BST1: variants seen among roughly 807,000 people sequenced by gnomAD.
BST1 encodes the protein ADP-ribosyl cyclase/cyclic ADP-ribose hydrolase 2.
Under a neutral mutation model 40.6 loss-of-function variants are expected in BST1, and 49 were observed. The observed-to-expected ratio is 1.21, with a 90% CI of 0.96 to 1.53. BST1 has a LOEUF of 1.53. Among genes scored for constraint, BST1 ranks in the 40% most tolerant of loss-of-function variants. The pLI is 0.00. For synonymous variants in BST1, 157 were observed against 159.3 expected, an observed-to-expected ratio of 0.99 and a Z score of 0.11; for missense variants, 423 against 395.9, an observed-to-expected ratio of 1.07 and a Z score of -0.58.
intron 8 of BST1, chr4:15,731,521 A>C: frequency 9.4e-7 from 1 of 1,062,616 alleles, no homozygotes; most frequent in Non-Finnish European, 1.4e-6. Flanking sequence ...CTTGAAGCTG[A>C]TCTGCAACTC....
At chr4:15,747,999 G>T in the BST1 span, among the ~76,000 whole-genome samples, 1 of 152,074 alleles carries the variant, frequency 6.6e-6, no homozygotes, top group Non-Finnish European at 1.5e-5. Flanking sequence ...TTTATTTCAG[G>T]CCTTCTTTTC....
At chr4:15,742,389 C>T (rs532684550), downstream of BST1, among the ~76,000 whole-genome samples, 1 of 152,182 alleles carries the variant, frequency 6.6e-6, no homozygotes, top group East Asian at 1.9e-4. Context: ...CTTGGCTTCC[C>T]CTACTGCCAT....
chr4:15,746,555 G>A, the BST1 span, among the ~76,000 whole-genome samples: 1 of 152,172 alleles, frequency 6.6e-6, no homozygotes. Flanking sequence ...CAGGACTCCT[G>A]CAATAACCAA....
chr4:15,738,094 C>G (rs1362260216), exon 7 of BST1: 1 of 232,658 alleles, frequency 4.3e-6, no homozygotes, highest in Non-Finnish European at 8.8e-6. Flanking sequence ...AGGGTGAACC[C>G]TCAGGTAAAC....
the BST1 span, among the ~76,000 whole-genome samples, chr4:15,761,598 G>C: frequency 1.3e-5 from 2 of 152,168 alleles, no homozygotes; most frequent in Middle Eastern, 3.4e-3. Context: ...GGATGAAGTT[G>C]TAATTTTAGT....
intron 4 of BST1, among the ~76,000 whole-genome samples, chr4:15,714,713 T>C (rs1423093334): frequency 6.6e-6 from 1 of 152,236 alleles, no homozygotes; most frequent in Non-Finnish European, 1.5e-5. Flanking sequence ...GCTTGTCTTC[T>C]GAGCCCACGG....
the BST1 span, among the ~76,000 whole-genome samples, chr4:15,768,621 G>C: frequency 6.6e-6 from 1 of 151,676 alleles, no homozygotes; most frequent in East Asian, 1.9e-4. Context: ...AGCCTCCCGA[G>C]TAGCTGGGAC....
chr4:15,705,211 C>T (rs1166677598), intron 1 of BST1, among the ~76,000 whole-genome samples: 1 of 151,856 alleles, frequency 6.6e-6, no homozygotes. Flanking sequence ...GAGGCACCTG[C>T]TGTATAGTTG....
At chr4:15,769,858 TAAAGAC>T in the BST1 span, among the ~76,000 whole-genome samples, 1 of 152,028 alleles carries the variant, frequency 6.6e-6, no homozygotes, top group Admixed American at 6.5e-5. Flanking sequence ...GTTTTTTTTT[TAAAGAC>T]AATCTCCCTC....
chr4:15,715,617 TA>T (rs1720468334), intron 5 of BST1, 89 bp from the exon 6 acceptor site: 3 of 1,013,964 alleles, frequency 3.0e-6, no homozygotes, highest in South Asian at 1.8e-5. Flanking sequence ...AAAAGCTCTT[TA>T]TTTTTTTTTA....
the BST1 span, among the ~76,000 whole-genome samples, chr4:15,772,031 C>CTG: frequency 6.6e-6 from 1 of 151,938 alleles, no homozygotes; most frequent in Non-Finnish European, 1.5e-5. Flanking sequence ...CTCTCTCTCT[C>CTG]TGTATGCTGC....
the BST1 span, among the ~76,000 whole-genome samples, chr4:15,744,997 G>T: frequency 7.9e-5 from 12 of 151,990 alleles, no homozygotes; most frequent in Admixed American, 2.0e-4. Flanking sequence ...AACATGTTTA[G>T]CATTTCAGTA....
chr4:15,738,844 G>T (rs1355430256), downstream of BST1, among the ~76,000 whole-genome samples: 1 of 152,188 alleles, frequency 6.6e-6, no homozygotes, highest in Non-Finnish European at 1.5e-5. Context: ...TTTGCCAAAG[G>T]TGCCAAATGA....
At chr4:15,717,717 C>T (rs1484256016) in intron 6 of BST1, among the ~76,000 whole-genome samples, 1 of 152,054 alleles carries the variant, frequency 6.6e-6, no homozygotes, top group African/African-American at 2.4e-5. Flanking sequence ...TAAGAATTTA[C>T]CAAGACAGTT....
In BST1 at chr4:15,726,832, A is replaced by C. The variant is rs58660910; in HGVS notation, c.851+3898A>C. Among the ~76,000 whole-genome samples the C allele has an allele frequency of 9.2e-3, 1,397 of 151,612 alleles. 19 individuals are homozygous for C. The highest frequency in any genetic ancestry group is 0.032 in the African/African-American group (1,337 of 41,280). On this transcript the variant is annotated intron_variant, in intron 8 of 8. Coordinates refer to ENST00000265016, the MANE Select transcript of BST1 (RefSeq NM_004334.3). ...TAGCTCCCCTGCTGCAGGAAGAATA[A>C]GGAGAACGAGGGTAGCTCTTCTCAC... is the stretch of plus-strand genomic sequence containing the variant.
At chr4:15,752,614 C>T in the BST1 span, among the ~76,000 whole-genome samples, 2 of 151,958 alleles carry the variant, frequency 1.3e-5, no homozygotes, top group Admixed American at 1.3e-4. Context: ...TCTCAAACTC[C>T]TGACCTCAAG....
At chr4:15,738,693 G>A (rs1350101223), downstream of BST1, among the ~76,000 whole-genome samples, 3 of 152,230 alleles carry the variant, frequency 2.0e-5, no homozygotes, top group Admixed American at 2.0e-4. Context: ...AGACGGAACT[G>A]TGTTCCCTCA....
intron 6 of BST1, among the ~76,000 whole-genome samples, chr4:15,717,180 T>C (rs1286468256): frequency 1.3e-5 from 2 of 152,228 alleles, no homozygotes; most frequent in East Asian, 3.8e-4. Flanking sequence ...GTAGTGAGCC[T>C]GGCCCCGAGT....
intron 6 of BST1, among the ~76,000 whole-genome samples, chr4:15,718,278 TAC>T (rs1471534388): frequency 3.0e-4 from 46 of 151,208 alleles, no homozygotes; most frequent in African/African-American, 1.0e-3. Flanking sequence ...TGTCTGTGTA[TAC>T]ACACACACAC....
Sources: gnomAD v4.1 joint callset for allele counts (sites outside exome capture counted in the v4.1 genomes callset) on GRCh38, gnomAD v4.1.1 for gene constraint, MANE v1.5 for transcripts, NCBI Gene and HGNC (gene_info 2026-07-23, HGNC 2026-07-21) for gene names.